Variants in SPSB4 observed in about 807,000 individuals in gnomAD.
SPSB4 encodes SPRY domain-containing SOCS box protein 4.
SPSB4 carries 21 observed loss-of-function variants against 20.9 expected under a neutral mutation model. The observed-to-expected ratio is 1.01, with a 90% confidence interval of 0.71 to 1.45. SPSB4 has a LOEUF of 1.45. SPSB4 is among the 40% of genes most tolerant of loss of function. SPSB4 has a pLI of 0.00. For missense variants in SPSB4, 399 were observed against 399.2 expected (o/e 1.00, Z 0.00); for synonymous variants, 207 against 183.8 (o/e 1.13, Z -1.02).
chr3:141,138,285 G>A (rs1026531495), intron 2 of SPSB4, among the ~76,000 whole-genome samples: 32 of 152,080 alleles, frequency 2.1e-4, no homozygotes, highest in African/African-American at 7.7e-4. Flanking sequence ...CAAAAAATCA[G>A]CTCCTGGATT....
At chr3:141,060,705 A>G (rs1438309901) in intron 1 of SPSB4, among the ~76,000 whole-genome samples, 1 of 152,228 alleles carries the variant, frequency 6.6e-6, no homozygotes, top group Non-Finnish European at 1.5e-5. Flanking sequence ...TTAATTTGCC[A>G]TTTGCCGAGG....
At chr3:141,077,042 C>CTGATT (rs1278654177) in intron 2 of SPSB4, 10 of 152,190 alleles carry the variant, frequency 6.6e-5, no homozygotes, top group African/African-American at 2.4e-4. Context: ...CGGGAGCCAG[C>CTGATT]TGATTTGCTT....
chr3:141,056,959 T>C (rs886679232), intron 1 of SPSB4, among the ~76,000 whole-genome samples: 2 of 152,250 alleles, frequency 1.3e-5, no homozygotes, highest in Non-Finnish European at 2.9e-5. Context: ...CCTTGCTGGC[T>C]GACAGCCCAG....
Position 141,066,283 on chromosome 3 carries a change from A to G in SPSB4, c.179A>G (p.Asp60Gly), listed in dbSNP as rs759935872. The change falls in exon 2 of 3, where the codon GAC (aspartate) becomes GGC (glycine). Residue 60 changes from aspartate (D) to glycine (G), a missense_variant. Transcript: ENST00000310546. ...CTGCGGCACGCGTGGAACCCCGAGG[A>G]CCGCTCGCTCAACGTCTTCGTCAAG... is the stretch of plus-strand genomic sequence containing the variant. ...VQLRHAWNPE[D>G]RSLNVFVKDD... 4.5e-6 allele frequency: 7 copies of G among 1,565,176 alleles called. No homozygotes were observed. The highest frequency in any genetic ancestry group is 6.1e-6 in the Non-Finnish European group (7 of 1,156,634).
At position 141,135,098 on chromosome 3, in the gene SPSB4, C is replaced by T. The variant is rs150675476; in HGVS notation, c.695-12044C>T. ...CAACCCCAGCCCCACCATCTCACCCCCAAGTAACCACTATTCTCACTTCCA... is the reference window on the plus strand; with the variant it reads ...CAACCCCAGCCCCACCATCTCACCCTCAAGTAACCACTATTCTCACTTCCA... On this transcript the variant is annotated intron_variant, in intron 2 of 2. Coordinates refer to ENST00000310546, the MANE Select transcript of SPSB4 (RefSeq NM_080862.3). Among the ~76,000 whole-genome samples the T allele has an allele frequency of 7.0e-3, 1,062 of 152,066 alleles. 12 individuals carry two copies. Among genetic ancestry groups the T allele is most frequent in the African/African-American group, 0.024 (1,012 of 41,494 alleles).
rs1350424261 is a variant in SPSB4, at chr3:141,066,131, C to T, written c.27C>T (p.Leu9=). The part of the protein sequence containing the change: MGQKLSGS[L]KSVEVREPAL... ...TGGGCCAGAAGCTCTCGGGGAGCCT[C>T]AAGTCAGTGGAGGTGCGAGAGCCGG... Residue 9 remains leucine (L), a synonymous_variant, in exon 2 of 3, where the codon CTC becomes CTT. Coordinates refer to ENST00000310546, the MANE Select transcript of SPSB4 (RefSeq NM_080862.3). 1.3e-6 allele frequency: 2 copies of T among 1,531,706 alleles called. No homozygotes were observed. The highest frequency in any genetic ancestry group is 4.0e-5 in the Admixed American group (2 of 49,634). 94.9% of individuals were successfully genotyped at this position (1,531,706 alleles called of 1,614,324 possible). A position where few individuals can be genotyped will look rare whatever the true frequency, so the allele number is the denominator to read the frequency against.
At chr3:141,085,965 G>A (rs780879539) in intron 2 of SPSB4, among the ~76,000 whole-genome samples, 6 of 152,328 alleles carry the variant, frequency 3.9e-5, no homozygotes, top group Non-Finnish European at 8.8e-5. Context: ...CCTCCTTAAG[G>A]CATCCATTGC....
intron 2 of SPSB4, among the ~76,000 whole-genome samples, chr3:141,082,662 T>TCTAA (rs1938260088): frequency 6.6e-6 from 1 of 152,070 alleles, no homozygotes. Context: ...TATCTATCTA[T>TCTAA]CTTTCCATTA....
chr3:141,100,042 C>T (rs1301469966), intron 2 of SPSB4, among the ~76,000 whole-genome samples: 1 of 152,188 alleles, frequency 6.6e-6, no homozygotes, highest in East Asian at 1.9e-4. Flanking sequence ...TGGCTCTGCC[C>T]TCTGTGCTGA....
chr3:141,104,350 G>A (rs1158842751), intron 2 of SPSB4, among the ~76,000 whole-genome samples: 3 of 152,194 alleles, frequency 2.0e-5, no homozygotes, highest in Admixed American at 2.0e-4. Context: ...ACATGAGACT[G>A]GCAAGAGGGA....
intron 2 of SPSB4, among the ~76,000 whole-genome samples, chr3:141,075,009 G>A (rs749500843): frequency 2.0e-5 from 3 of 152,134 alleles, no homozygotes; most frequent in African/African-American, 4.8e-5. Context: ...AGAGAGCTGG[G>A]AGGCTTTGCC....
intron 2 of SPSB4, among the ~76,000 whole-genome samples, chr3:141,070,012 A>G (rs1937966251): frequency 6.6e-6 from 1 of 152,214 alleles, no homozygotes; most frequent in African/African-American, 2.4e-5. Flanking sequence ...TCCTATTGCA[A>G]ATGCATAACA....
At chr3:141,140,359 T>G (rs1377784129) in intron 2 of SPSB4, among the ~76,000 whole-genome samples, 1 of 152,206 alleles carries the variant, frequency 6.6e-6, no homozygotes, top group Non-Finnish European at 1.5e-5. Flanking sequence ...CCATCCAGCT[T>G]TGTTCCGTTG....
At chr3:141,118,626 C>T (rs1305285853) in intron 2 of SPSB4, among the ~76,000 whole-genome samples, 2 of 152,110 alleles carry the variant, frequency 1.3e-5, no homozygotes. Flanking sequence ...GGTTTTAGTT[C>T]TTACATTTAG....
chr3:141,126,463 G>C (rs1369340740), intron 2 of SPSB4, among the ~76,000 whole-genome samples: 1 of 152,120 alleles, frequency 6.6e-6, no homozygotes, highest in East Asian at 1.9e-4. Context: ...CTGGATCCGA[G>C]TCCAGTCCTC....
At chr3:141,061,003 T>C (rs1472119436) in intron 1 of SPSB4, among the ~76,000 whole-genome samples, 3 of 152,244 alleles carry the variant, frequency 2.0e-5, no homozygotes, top group Admixed American at 1.3e-4. Context: ...TTTTTTCTTA[T>C]GTTAAAACAA....
At chr3:141,134,434 T>A (rs1939191720) in intron 2 of SPSB4, among the ~76,000 whole-genome samples, 1 of 152,138 alleles carries the variant, frequency 6.6e-6, no homozygotes, top group South Asian at 2.1e-4. Flanking sequence ...CCCCATTCAG[T>A]AGTTTAATGT....
intron 2 of SPSB4, among the ~76,000 whole-genome samples, chr3:141,136,400 A>G (rs1224959027): frequency 6.6e-6 from 1 of 152,186 alleles, no homozygotes; most frequent in Non-Finnish European, 1.5e-5. Flanking sequence ...TGTTTTAGAC[A>G]TGAAGTCCTT....
intron 2 of SPSB4, chr3:141,124,055 G>C (rs1272281612): frequency 1.3e-5 from 2 of 152,248 alleles, no homozygotes; most frequent in Non-Finnish European, 2.9e-5. Context: ...CAATATGAAA[G>C]AGCTACTTTT....
Sources: gnomAD v4.1 joint callset for allele counts (sites outside exome capture counted in the v4.1 genomes callset) on GRCh38, gnomAD v4.1.1 for gene constraint, MANE v1.5 for transcripts, NCBI Gene and HGNC (gene_info 2026-07-23, HGNC 2026-07-21) for gene names.